FGF14: variants seen among roughly 807,000 people sequenced by gnomAD.
The protein encoded by FGF14 is fibroblast growth factor homologous factor 4.
Under a neutral mutation model 25.5 loss-of-function variants are expected in FGF14, and 5 were observed. The ratio of observed to expected loss-of-function variants is 0.20; its 90% CI spans 0.10 to 0.41. The LOEUF (loss-of-function observed/expected upper bound fraction) is 0.41, where lower values mean the gene tolerates loss of function less well. Among genes scored for constraint, FGF14 ranks in the 10% least tolerant of loss-of-function variants. The pLI, the probability that FGF14 is intolerant of heterozygous loss-of-function variation, is 1.00. For missense variants in FGF14, 222 were observed against 320.1 expected (o/e 0.69, Z 2.34); for synonymous variants, 138 against 118.3 (o/e 1.17, Z -1.08).
rs988385682 is a variant in FGF14 at position 102,003,555 on chromosome 13, T to G, written c.209-128259A>C. ...ACCATAGGCCACAAGATAAGCTTAGTTTCTTACATCAAAGATGTTGTGACC... is the reference window on the plus strand; with the variant it reads ...ACCATAGGCCACAAGATAAGCTTAGGTTCTTACATCAAAGATGTTGTGACC... On this transcript the variant is annotated intron_variant, in intron 1 of 4. Coordinates refer to the FGF14 transcript ENST00000376131. 6.6e-5 allele frequency among the ~76,000 whole-genome samples: 10 copies of G among 152,282 alleles called. No individual in the cohort carries two copies. The South Asian group carries it at 1.7e-3, about 25-fold the overall frequency.
chr13:102,021,828 T>C (rs1422357242), intron 1 of FGF14, among the ~76,000 whole-genome samples: 1 of 152,048 alleles, frequency 6.6e-6, no homozygotes, highest in Non-Finnish European at 1.5e-5. Flanking sequence ...TTAGATCATA[T>C]AAAAGAAGGA....
chr13:102,350,886 G>A (rs548946899), intron 1 of FGF14, among the ~76,000 whole-genome samples: 2 of 152,214 alleles, frequency 1.3e-5, no homozygotes, highest in Admixed American at 6.5e-5. Context: ...ACTGGACACG[G>A]CCTCCCTCTC....
intron 1 of FGF14, among the ~76,000 whole-genome samples, chr13:102,261,509 CAT>C (rs1382686479): frequency 6.6e-6 from 1 of 152,206 alleles, no homozygotes; most frequent in Non-Finnish European, 1.5e-5. Flanking sequence ...CTCATCAGCA[CAT>C]GTCTTGCATA....
chr13:102,373,938 G>C (rs1286332229), intron 1 of FGF14, among the ~76,000 whole-genome samples: 2 of 152,088 alleles, frequency 1.3e-5, no homozygotes, highest in African/African-American at 2.4e-5. Flanking sequence ...GGTGGGACCT[G>C]AGCACTGAGA....
chr13:102,205,720 C>T (rs886734502), intron 1 of FGF14, among the ~76,000 whole-genome samples: 12 of 146,310 alleles, frequency 8.2e-5, no homozygotes, highest in East Asian at 8.0e-4. Flanking sequence ...ATCTCTCCCC[C>T]GAGAAAGGTT....
At chr13:102,273,691 C>T (rs189212941) in intron 1 of FGF14, among the ~76,000 whole-genome samples, 31 of 151,866 alleles carry the variant, frequency 2.0e-4, no homozygotes, top group African/African-American at 7.2e-4. Flanking sequence ...AATGCTTTTC[C>T]ACCTCTTAAA....
chr13:102,063,160 C>A (rs946518472), intron 1 of FGF14, among the ~76,000 whole-genome samples: 7 of 152,030 alleles, frequency 4.6e-5, no homozygotes, highest in African/African-American at 1.7e-4. Context: ...TGTTCTATAA[C>A]ATAGTGAAAT....
chr13:101,719,490 C>T lies in FGF14; in HGVS notation c.*3341G>A, dbSNP rs1050153915. ...AAATGATGTTCAGTTCCATTTTGCT[C>T]TTTACATAGGGTGGAGAATTGTCAT... is the stretch of plus-strand genomic sequence containing the variant. On this transcript the variant is annotated 3_prime_UTR_variant, in exon 5 of 5. Coordinates refer to ENST00000376143, the MANE Select transcript of FGF14 (RefSeq NM_004115.4). 4.6e-5 allele frequency: 7 copies of T among 152,080 alleles called. No individual in the cohort carries two copies. Among genetic ancestry groups the T allele is most frequent in the Non-Finnish European group, 8.8e-5 (6 of 68,002 alleles). 9.4% of individuals were successfully genotyped at this position (152,080 alleles called of 1,614,324 possible).
intron 1 of FGF14, among the ~76,000 whole-genome samples, chr13:102,351,361 A>G (rs1253950016): frequency 1.3e-5 from 2 of 152,148 alleles, no homozygotes; most frequent in African/African-American, 2.4e-5. Context: ...CATGTCTTCA[A>G]ATTACATTCT....
At chr13:102,181,860 A>C (rs2048688285) in intron 1 of FGF14, among the ~76,000 whole-genome samples, 1 of 152,140 alleles carries the variant, frequency 6.6e-6, no homozygotes, top group African/African-American at 2.4e-5. Context: ...ACGTCTTTGG[A>C]GACCATTATT....
At chr13:101,990,545 A>G (rs1220688915) in intron 1 of FGF14, among the ~76,000 whole-genome samples, 2 of 152,158 alleles carry the variant, frequency 1.3e-5, no homozygotes, top group Non-Finnish European at 2.9e-5. Flanking sequence ...CCTCAAAGTT[A>G]CTTGACTTTG....
At chr13:102,154,608 C>G (rs981992129) in intron 1 of FGF14, among the ~76,000 whole-genome samples, 71 of 152,260 alleles carry the variant, frequency 4.7e-4, no homozygotes, top group African/African-American at 1.7e-3. Context: ...ACTGCATCAA[C>G]TAACGAGCAA....
At chr13:101,935,635 C>G (rs1051394273) in intron 1 of FGF14, among the ~76,000 whole-genome samples, 1 of 152,168 alleles carries the variant, frequency 6.6e-6, no homozygotes, top group African/African-American at 2.4e-5. Flanking sequence ...TGTAAGCTTT[C>G]TGAGGCCTCC....
chr13:101,796,807 C>A (rs541369319), intron 3 of FGF14, among the ~76,000 whole-genome samples: 94 of 152,166 alleles, frequency 6.2e-4, no homozygotes, highest in African/African-American at 2.2e-3. Flanking sequence ...TGCTTTAAGC[C>A]CCCCGGTTGG....
At chr13:101,821,848 T>A (rs2042171437) in intron 3 of FGF14, among the ~76,000 whole-genome samples, 1 of 152,222 alleles carries the variant, frequency 6.6e-6, no homozygotes, top group African/African-American at 2.4e-5. Context: ...GCTGTTTCAA[T>A]TTATTTGCCC....
At chr13:101,815,360 T>C (rs1405898963) in intron 3 of FGF14, among the ~76,000 whole-genome samples, 1 of 152,104 alleles carries the variant, frequency 6.6e-6, no homozygotes, top group Non-Finnish European at 1.5e-5. Flanking sequence ...GTATTGGGTC[T>C]TTAAAGAATG....
intron 2 of FGF14, among the ~76,000 whole-genome samples, chr13:101,871,142 T>C (rs1229473856): frequency 6.6e-6 from 1 of 152,124 alleles, no homozygotes; most frequent in Non-Finnish European, 1.5e-5. Context: ...TTAATTGAGA[T>C]ATAATTTTAT....
At chr13:102,078,399 TTTTA>T (rs1336328357) in intron 1 of FGF14, among the ~76,000 whole-genome samples, 8 of 152,082 alleles carry the variant, frequency 5.3e-5, no homozygotes, top group African/African-American at 9.7e-5. Flanking sequence ...AAATATACAG[TTTTA>T]TTTGTCAACT....
chr13:102,374,644 TTATATATATATA>T (rs55670716), intron 1 of FGF14, among the ~76,000 whole-genome samples: 1,217 of 49,268 alleles, frequency 0.025, 11 homozygotes, highest in Non-Finnish European at 0.031. Context: ...CTTACATATT[TTATATATATATA>T]TATATATATA....
Sources: gnomAD v4.1 joint callset for allele counts (sites outside exome capture counted in the v4.1 genomes callset) on GRCh38, gnomAD v4.1.1 for gene constraint, MANE v1.5 for transcripts, NCBI Gene and HGNC (gene_info 2026-07-23, HGNC 2026-07-21) for gene names.